PTH1R: variants seen among roughly 807,000 people sequenced by gnomAD.
PTH1R encodes the protein parathyroid hormone 1 receptor.
A neutral mutation model predicts 70.7 loss-of-function variants in PTH1R; 32 were observed. That is an observed-to-expected ratio of 0.45 (90% CI 0.34 to 0.61). The LOEUF is 0.61. Ranked by LOEUF, PTH1R falls within the 20% of genes least tolerant of loss-of-function variation. The pLI, the probability that PTH1R is intolerant of heterozygous loss-of-function variation, is 0.01. For missense variants in PTH1R, 626 were observed against 792.5 expected (o/e 0.79, Z 2.52); for synonymous variants, 329 against 324.8 (o/e 1.01, Z -0.14).
chr3:46,889,343 A>C (rs1171823972), intron 3 of PTH1R, among the ~76,000 whole-genome samples: 1 of 152,186 alleles, frequency 6.6e-6, no homozygotes, highest in Non-Finnish European at 1.5e-5. Context: ...AGGCTGCCTT[A>C]GGGGATCTGC....
rs12490143 is a variant in PTH1R at position 46,901,532 on chromosome 3, G to A, written c.1116+52G>A. ...AGGGGTGGGTGGGATGTGCGCCTGC[G>A]TCCCCTGGAACCAGCCCCTGACAGG... On this transcript the variant is annotated intron_variant, in intron 12 of 15. Coordinates refer to ENST00000449590, the MANE Select transcript of PTH1R (RefSeq NM_000316.3). The surrounding 1 kb of genome is among the most constrained non-coding windows in gnomAD (Gnocchi z 7.3). The A allele has an allele frequency of 1.2e-4, 183 of 1,546,300 alleles. 1 individual carries two copies. In the Admixed American group the frequency reaches 1.6e-3, roughly 14 times the overall value.
Position 46,901,550 on chromosome 3 carries a change from C to A in PTH1R, c.1116+70C>A. On this transcript the variant is annotated intron_variant, in intron 12 of 15. Coordinates refer to ENST00000449590, the MANE Select transcript of PTH1R (RefSeq NM_000316.3). The surrounding 1 kb of genome is among the most constrained non-coding windows in gnomAD (Gnocchi z 7.3). Reference sequence around the variant, plus strand: ...CGCCTGCGTCCCCTGGAACCAGCCCCTGACAGGGACCTAGGAGGCTTCCCT... The same window carrying A: ...CGCCTGCGTCCCCTGGAACCAGCCCATGACAGGGACCTAGGAGGCTTCCCT... 2 of 1,527,772 alleles carry A rather than the reference C, an allele frequency of 1.3e-6. No homozygotes were observed. The highest frequency in any genetic ancestry group is 1.8e-6 in the Non-Finnish European group (2 of 1,126,814). The allele number at this position is 1,527,772 out of a possible 1,614,324, so 94.6% of individuals were successfully genotyped here. A position where few individuals can be genotyped will look rare whatever the true frequency, so the allele number is the denominator to read the frequency against.
At position 46,901,554 on chromosome 3, in the gene PTH1R, C is replaced by G; in HGVS notation, c.1116+74C>G. ...TGCGTCCCCTGGAACCAGCCCCTGACAGGGACCTAGGAGGCTTCCCTGGAC... is the reference window on the plus strand; with the variant it reads ...TGCGTCCCCTGGAACCAGCCCCTGAGAGGGACCTAGGAGGCTTCCCTGGAC... On this transcript the variant is annotated intron_variant, in intron 12 of 15. Coordinates refer to ENST00000449590, the MANE Select transcript of PTH1R (RefSeq NM_000316.3). This position sits in a 1 kb window ranked among gnomAD's most constrained non-coding sequence, Gnocchi z 7.3. 2.6e-6 allele frequency: 4 copies of G among 1,522,458 alleles called. No homozygotes were observed. In the East Asian group the frequency reaches 9.8e-5, roughly 37 times the overall value. 94.3% of individuals were successfully genotyped at this position (1,522,458 alleles called of 1,614,324 possible). A position where few individuals can be genotyped will look rare whatever the true frequency, so the allele number is the denominator to read the frequency against.
intron 5 of PTH1R, 128 bp from the exon 6 acceptor site, chr3:46,897,727 G>A (rs957804677): frequency 4.1e-5 from 36 of 888,820 alleles, no homozygotes; most frequent in Non-Finnish European, 5.0e-5. Flanking sequence ...GCGAAACTCC[G>A]TCTCAAAAAA....
At position 46,902,374 on chromosome 3, in the gene PTH1R, C is replaced by T; in HGVS notation, c.1212-152C>T. On this transcript the variant is annotated intron_variant, in intron 13 of 15. Coordinates refer to ENST00000449590, the MANE Select transcript of PTH1R (RefSeq NM_000316.3). The surrounding 1 kb of genome is among the most constrained non-coding windows in gnomAD (Gnocchi z 5.4). ...TATTAGCACTTAGCCAGGACAGCAG[C>T]CATGCAGGTGAACTGGGTTGTCCTC... is the stretch of plus-strand genomic sequence containing the variant. 9.4e-7 allele frequency: 1 copy of T among 1,063,130 alleles called. No individual in the cohort carries two copies. The highest frequency in any genetic ancestry group is 1.4e-6 in the Non-Finnish European group (1 of 714,076). The allele number at this position is 1,063,130 out of a possible 1,614,324, so 65.9% of individuals were successfully genotyped here.
rs760919532 is a variant in PTH1R at position 46,896,489 on chromosome 3, C to T, written c.313+620C>T. On this transcript the variant is annotated intron_variant, in intron 5 of 15. Coordinates refer to ENST00000449590, the MANE Select transcript of PTH1R (RefSeq NM_000316.3). This position sits in a 1 kb window ranked among gnomAD's most constrained non-coding sequence, Gnocchi z 4.1. ...AGAGCCCAGGCTTTGGCCACAGGGC[C>T]GGTTTCAGCCGGCCGGGTGGGCAGC... Among the ~76,000 whole-genome samples, 10 of 152,170 alleles carry T rather than the reference C, an allele frequency of 6.6e-5. No homozygotes were observed. The highest frequency in any genetic ancestry group is 1.3e-4 in the Non-Finnish European group (9 of 68,022).
chr3:46,899,589 C>T (rs1181540779), intron 10 of PTH1R, 133 bp downstream of exon 10: 35 of 1,197,960 alleles, frequency 2.9e-5, no homozygotes, highest in Non-Finnish European at 3.8e-5. Context: ...AGAGGCCTGC[C>T]GCCCTTCTGT....
rs1480617692 is a variant in PTH1R at position 46,901,631 on chromosome 3, C to T, written c.1117-135C>T. ...AGGACCAGCTGATCCACACTCCAGC[C>T]CAGAAAGGAAAACCAAGGGCTCAAG... On this transcript the variant is annotated intron_variant, in intron 12 of 15. Coordinates refer to ENST00000449590, the MANE Select transcript of PTH1R (RefSeq NM_000316.3). The surrounding 1 kb of genome is among the most constrained non-coding windows in gnomAD (Gnocchi z 7.3). 1.5e-6 allele frequency: 2 copies of T among 1,354,996 alleles called. No homozygotes were observed. Among genetic ancestry groups the T allele is most frequent in the Non-Finnish European group, 2.1e-6 (2 of 967,718 alleles). The allele number at this position is 1,354,996 out of a possible 1,614,324, so 83.9% of individuals were successfully genotyped here. A position where few individuals can be genotyped will look rare whatever the true frequency, so the allele number is the denominator to read the frequency against.
chr3:46,882,692 G>A lies in PTH1R; in HGVS notation c.-48-820G>A, dbSNP rs1026706784. Among the ~76,000 whole-genome samples the A allele has an allele frequency of 6.6e-6, 1 of 152,066 alleles. No individual in the cohort carries two copies. Among genetic ancestry groups the A allele is most frequent in the Non-Finnish European group, 1.5e-5 (1 of 67,988 alleles). On this transcript the variant is annotated intron_variant, in intron 2 of 15. Transcript: ENST00000449590. This position sits in a 1 kb window ranked among gnomAD's most constrained non-coding sequence, Gnocchi z 4.3. Reference sequence around the variant, plus strand: ...AGGGGGAGGGAGGGAGCGAGGGAGTGACCGAAACGGAGCTTGGGGCCGCTG... The same window carrying A: ...AGGGGGAGGGAGGGAGCGAGGGAGTAACCGAAACGGAGCTTGGGGCCGCTG...
In PTH1R at chr3:46,883,743, G is replaced by C. The variant is rs2030825796; in HGVS notation, c.75+109G>C. Reference sequence around the variant, plus strand: ...GAGTTCCCCCAGTAGTTCGAACTTTGGGTGAGAGTCCCCTCTGATCCAGGA... The same window carrying C: ...GAGTTCCCCCAGTAGTTCGAACTTTCGGTGAGAGTCCCCTCTGATCCAGGA... On this transcript the variant is annotated intron_variant, in intron 3 of 15. Coordinates refer to ENST00000449590, the MANE Select transcript of PTH1R (RefSeq NM_000316.3). The surrounding 1 kb of genome is among the most constrained non-coding windows in gnomAD (Gnocchi z 6.4). The C allele has an allele frequency of 1.9e-5, 24 of 1,277,054 alleles. No individual in the cohort carries two copies. In the South Asian group the frequency reaches 3.0e-4, roughly 16 times the overall value. The allele number at this position is 1,277,054 out of a possible 1,614,324, so 79.1% of individuals were successfully genotyped here. A position where few individuals can be genotyped will look rare whatever the true frequency, so the allele number is the denominator to read the frequency against.
chr3:46,901,671 T>C lies in PTH1R; in HGVS notation c.1117-95T>C, dbSNP rs1466671158. 7.0e-7 allele frequency: 1 copy of C among 1,431,354 alleles called. No individual in the cohort carries two copies. Among genetic ancestry groups the C allele is most frequent in the Non-Finnish European group, 9.8e-7 (1 of 1,017,246 alleles). 88.7% of individuals were successfully genotyped at this position (1,431,354 alleles called of 1,614,324 possible). Reference sequence around the variant, plus strand: ...AAGGGCTCAAGGAGCCACCCAGAGATGCAGTGACAGAGCAGAGCCTATGGC... The same window carrying C: ...AAGGGCTCAAGGAGCCACCCAGAGACGCAGTGACAGAGCAGAGCCTATGGC... On this transcript the variant is annotated intron_variant, in intron 12 of 15. Coordinates refer to ENST00000449590, the MANE Select transcript of PTH1R (RefSeq NM_000316.3). The surrounding 1 kb of genome is among the most constrained non-coding windows in gnomAD (Gnocchi z 7.3).
Position 46,899,928 on chromosome 3 carries a change from G to A in PTH1R, c.988+472G>A, listed in dbSNP as rs186737182. On this transcript the variant is annotated intron_variant, in intron 10 of 15. Coordinates refer to ENST00000449590, the MANE Select transcript of PTH1R (RefSeq NM_000316.3). ...CCTGCGGGGTCCATGGCCCAGAGCC[G>A]TGGGCCCAGCACCTCAGCATCACCT... 5.3e-5 allele frequency among the ~76,000 whole-genome samples: 8 copies of A among 152,342 alleles called. 1 individual carries two copies. In the South Asian group the frequency reaches 8.3e-4, roughly 16 times the overall value.
At chr3:46,898,264 G>T in intron 7 of PTH1R, 72 bp downstream of exon 7, 1 of 1,582,316 alleles carries the variant, frequency 6.3e-7, no homozygotes, top group Non-Finnish European at 8.7e-7. Flanking sequence ...CCCTGACCCA[G>T]CCCTGACCCC....
At chr3:46,897,073 C>A (rs2031795265) in intron 5 of PTH1R, among the ~76,000 whole-genome samples, 1 of 152,242 alleles carries the variant, frequency 6.6e-6, no homozygotes, top group African/African-American at 2.4e-5. Flanking sequence ...TGCCTCCTGT[C>A]CATGATCCCA....
rs542263517 is a variant in PTH1R at position 46,892,938 on chromosome 3, G to A, written c.76-969G>A. On this transcript the variant is annotated intron_variant, in intron 3 of 15. Coordinates refer to ENST00000449590, the MANE Select transcript of PTH1R (RefSeq NM_000316.3). This position sits in a 1 kb window ranked among gnomAD's most constrained non-coding sequence, Gnocchi z 5.2. ...AGCCCCGCCCTGGGGAGGTTTCAGA[G>A]ACCGCCTTAACCTCTGCGGGTCACA... 2.3e-6 allele frequency: 1 copy of A among 427,692 alleles called. No homozygotes were observed. Among genetic ancestry groups the A allele is most frequent in the South Asian group, 9.7e-5 (1 of 10,348 alleles). 26.5% of individuals were successfully genotyped at this position (427,692 alleles called of 1,614,324 possible). A position where few individuals can be genotyped will look rare whatever the true frequency, so the allele number is the denominator to read the frequency against.
chr3:46,898,822 G>T lies in PTH1R; in HGVS notation c.799G>T (p.Ala267Ser). The change falls in exon 9 of 16, where the codon GCG becomes TCG. Residue 267 changes from alanine (A) to serine (S), a missense_variant. Physicochemically the swap from Ala to Ser is moderately conservative, Grantham distance 99. Around this residue, in one of 3 missense-constraint regions of PTH1R, gnomAD observed 495 missense variants for 638.7 expected, o/e 0.77. Coordinates refer to ENST00000449590, the MANE Select transcript of PTH1R (RefSeq NM_000316.3). ...GGAGGAGCTGCGCGCCATCGCCCAGGCGCCCCCGCCGCCTGCCACCGCCGC... is the reference window on the plus strand; with the variant it reads ...GGAGGAGCTGCGCGCCATCGCCCAGTCGCCCCCGCCGCCTGCCACCGCCGC... ...TEEELRAIAQAPPPPATAAAG... is the reference protein window; with the variant it reads ...TEEELRAIAQSPPPPATAAAG... 2 of 1,566,530 alleles carry T rather than the reference G, an allele frequency of 1.3e-6. No individual in the cohort carries two copies. The highest frequency in any genetic ancestry group is 1.7e-6 in the Non-Finnish European group (2 of 1,161,614).
chr3:46,880,727 G>A (rs2030498386), intron 1 of PTH1R, among the ~76,000 whole-genome samples: 1 of 150,926 alleles, frequency 6.6e-6, no homozygotes, highest in Non-Finnish European at 1.5e-5. Flanking sequence ...ACTTTGTCTT[G>A]AAGAAGAAGA....
At chr3:46,885,320 G>A (rs774833460) in intron 3 of PTH1R, among the ~76,000 whole-genome samples, 14 of 152,180 alleles carry the variant, frequency 9.2e-5, no homozygotes, top group African/African-American at 2.2e-4. Flanking sequence ...CTGTGCACCC[G>A]GGCCTGTTGT....
At chr3:46,890,556 T>C (rs961127248) in intron 3 of PTH1R, among the ~76,000 whole-genome samples, 58 of 136,306 alleles carry the variant, frequency 4.3e-4, no homozygotes, top group African/African-American at 1.6e-3. Flanking sequence ...CAGGCTAGAG[T>C]GCAATGGCGC....
Sources: allele counts gnomAD v4.1 joint callset (sites outside exome capture counted in the v4.1 genomes callset), GRCh38; gene constraint gnomAD v4.1.1; regional missense constraint gnomAD v4.1.1; non-coding constraint Gnocchi (gnomAD v3.1); transcripts MANE v1.5; gene names NCBI Gene and HGNC (gene_info 2026-07-23, HGNC 2026-07-21).